PAX2: variants seen among roughly 807,000 people sequenced by gnomAD.
PAX2 encodes paired box protein Pax-2.
In PAX2, 9 loss-of-function variants were observed where a neutral mutation model predicts 41.7. The ratio of observed to expected loss-of-function variants is 0.22; its 90% CI spans 0.13 to 0.38. The LOEUF is 0.38. Ranked by LOEUF, PAX2 falls within the 10% of genes least tolerant of loss-of-function variation. PAX2 has a pLI of 1.00. For synonymous variants in PAX2, 221 were observed against 212.7 expected (o/e 1.04, Z -0.34); for missense variants, 418 against 531.6 (o/e 0.79, Z 2.10).
chr10:100,822,452 T>C (rs1476261400), intron 7 of PAX2, among the ~76,000 whole-genome samples: 1 of 152,172 alleles, frequency 6.6e-6, no homozygotes, highest in Non-Finnish European at 1.5e-5. Flanking sequence ...TTAAGTGCAA[T>C]AGATTGATGG....
rs200741999 is a variant in PAX2, at chr10:100,781,275, A to C, written c.526A>C (p.Ser176Arg). 2 of 1,613,576 alleles carry C rather than the reference A, an allele frequency of 1.2e-6. No individual in the cohort carries two copies. The highest frequency in any genetic ancestry group is 1.7e-6 in the Non-Finnish European group (2 of 1,179,714). ...VPSTASPPVS[S>R]ASNDPVGSYS... ...CAGCACGGCCTCCCCTCCTGTTTCCAGCGCCTCCAATGACCCAGTGGGATC... is the reference window on the plus strand; with the variant it reads ...CAGCACGGCCTCCCCTCCTGTTTCCCGCGCCTCCAATGACCCAGTGGGATC... Residue 176 changes from serine (S) to arginine (R), a missense_variant, in exon 5 of 10, where the codon AGC (serine) becomes CGC (arginine). Transcript: ENST00000355243.
At chr10:100,789,263 A>C (rs1041276831) in intron 5 of PAX2, among the ~76,000 whole-genome samples, 9 of 152,104 alleles carry the variant, frequency 5.9e-5, no homozygotes, top group African/African-American at 2.2e-4. Flanking sequence ...CTGCCACCAT[A>C]CCTGGCTGAT....
In PAX2 at chr10:100,781,736, A is replaced by G. The variant is rs574655786; in HGVS notation, c.616+371A>G. Reference sequence around the variant, plus strand: ...CCTACCTTGTCCTTACCTGATCCCAATCTGTCTGGAGGTGAGGTAGTGATG... The same window carrying G: ...CCTACCTTGTCCTTACCTGATCCCAGTCTGTCTGGAGGTGAGGTAGTGATG... On this transcript the variant is annotated intron_variant, in intron 5 of 9. Coordinates refer to ENST00000355243, the MANE Select transcript of PAX2 (RefSeq NM_000278.5). Among the ~76,000 whole-genome samples the G allele has an allele frequency of 4.6e-5, 7 of 152,324 alleles. No homozygotes were observed. In the South Asian group the frequency reaches 6.2e-4, roughly 14 times the overall value.
At chr10:100,749,381 C>T in intron 1 of PAX2, 4 of 1,082,476 alleles carry the variant, frequency 3.7e-6, no homozygotes, top group Non-Finnish European at 4.5e-6. Context: ...CAGTCCTCTG[C>T]CAGGCCCTTC....
chr10:100,746,395 G>A, intron 1 of PAX2, 92 bp downstream of exon 1: 1 of 904,030 alleles, frequency 1.1e-6, no homozygotes, highest in Non-Finnish European at 1.9e-6. Flanking sequence ...TCGCGCTCAG[G>A]TCCCATCTTG....
intron 5 of PAX2, among the ~76,000 whole-genome samples, chr10:100,805,622 C>T (rs968634006): frequency 2.6e-5 from 4 of 152,162 alleles, no homozygotes; most frequent in South Asian, 2.1e-4. Context: ...GAGCAGGCAC[C>T]GGTGTGATAA....
chr10:100,779,598 G>A lies in PAX2; in HGVS notation c.496+15G>A. The A allele has an allele frequency of 1.3e-6, 2 of 1,549,448 alleles. No homozygotes were observed. The highest frequency in any genetic ancestry group is 1.4e-5 in the African/African-American group (1 of 73,978). On this transcript the variant is annotated intron_variant, in intron 4 of 9. Transcript: ENST00000355243. ...CCACACCATTGGTAAGAGGGCTCAG[G>A]GAAGGGGAGGAAACCAGATCCCACC...
chr10:100,749,825 C>T lies in PAX2; in HGVS notation c.123C>T (p.Ile41=), dbSNP rs771654993. ...RPLPDVVRQR[I]VELAHQGVRP... Reference sequence around the variant, plus strand: ...TACCCGACGTGGTGAGGCAGCGCATCGTGGAGCTGGCCCACCAGGGTGTGC... The same window carrying T: ...TACCCGACGTGGTGAGGCAGCGCATTGTGGAGCTGGCCCACCAGGGTGTGC... The change falls in exon 2 of 10, where the codon ATC becomes ATT. Residue 41 remains isoleucine (I), a synonymous_variant. Coordinates refer to ENST00000355243, the MANE Select transcript of PAX2 (RefSeq NM_000278.5). 1 of 1,611,732 alleles carries T rather than the reference C, an allele frequency of 6.2e-7. No homozygotes were observed. The highest frequency in any genetic ancestry group is 1.7e-5 in the Admixed American group (1 of 59,892).
At chr10:100,820,444 C>T (rs193217316) in intron 7 of PAX2, among the ~76,000 whole-genome samples, 10 of 152,276 alleles carry the variant, frequency 6.6e-5, no homozygotes, top group Admixed American at 5.2e-4. Context: ...CTTGGCCAGG[C>T]GCGGTGGCTT....
intron 3 of PAX2, among the ~76,000 whole-genome samples, chr10:100,764,004 C>T (rs1454094962): frequency 1.3e-5 from 2 of 152,120 alleles, no homozygotes; most frequent in Non-Finnish European, 2.9e-5. Context: ...CTTAGAATTG[C>T]ACCTGGCAGG....
In PAX2 at chr10:100,776,228, G is replaced by A. The variant is rs575784707; in HGVS notation, c.411-3270G>A. Among the ~76,000 whole-genome samples, 3 of 152,178 alleles carry A rather than the reference G, an allele frequency of 2.0e-5. No homozygotes were observed. In the East Asian group the frequency reaches 5.8e-4, roughly 29 times the overall value. On this transcript the variant is annotated intron_variant, in intron 3 of 9. Coordinates refer to ENST00000355243, the MANE Select transcript of PAX2 (RefSeq NM_000278.5). ...AAAAACTTCTGAGGCAATAGTCTCC[G>A]TTTACTGCCCTGCCTCCTTTTACTC...
intron 3 of PAX2, among the ~76,000 whole-genome samples, chr10:100,753,051 C>T (rs1208063550): frequency 6.6e-6 from 1 of 152,142 alleles, no homozygotes. Context: ...GAGGGGCACA[C>T]AGGCTTCCTT....
rs183875062 is a variant in PAX2 at position 100,754,307 on chromosome 10, G to A, written c.410+3416G>A. On this transcript the variant is annotated intron_variant, in intron 3 of 9. Transcript: ENST00000355243. ...GGCACAGACCCCAAATAGAGTCTGG[G>A]GTTACTGACAATCCCCCGAGGGTGC... Among the ~76,000 whole-genome samples, 976 of 152,294 alleles carry A rather than the reference G, an allele frequency of 6.4e-3. 13 individuals are homozygous for A. Among genetic ancestry groups the A allele is most frequent in the African/African-American group, 0.022 (918 of 41,552 alleles).
At chr10:100,749,341 G>T (rs1056374952) in intron 1 of PAX2, 14 of 1,012,666 alleles carry the variant, frequency 1.4e-5, no homozygotes, top group Non-Finnish European at 1.5e-5. Flanking sequence ...GTTGCCTGCG[G>T]CGCAGGCGGG....
rs1847905578 is a variant in PAX2 at position 100,809,171 on chromosome 10, C to T, written c.854C>T (p.Ser285Phe). ...PGLDEVKSSL[S>F]ASTNPELGSN... is the part of the protein sequence containing the mutation. ...CTTGATGAAGTCAAGTCGAGTCTAT[C>T]TGCATCCACCAACCCTGAGCTGGGC... is the stretch of plus-strand genomic sequence containing the variant. Residue 285 changes from serine (S) to phenylalanine (F), a missense_variant, in exon 7 of 10, where the codon TCT becomes TTT. By Grantham distance (155) the Ser-to-Phe change is radical. Around this residue, in one of 2 missense-constraint regions of PAX2, gnomAD observed 310 missense variants for 325.2 expected, o/e 0.95. Coordinates refer to ENST00000355243, the MANE Select transcript of PAX2 (RefSeq NM_000278.5). The T allele has an allele frequency of 6.2e-7, 1 of 1,613,536 alleles. No individual in the cohort carries two copies. Among genetic ancestry groups the T allele is most frequent in the African/African-American group, 1.3e-5 (1 of 75,032 alleles).
intron 3 of PAX2, among the ~76,000 whole-genome samples, chr10:100,775,932 G>A (rs867353868): frequency 7.9e-5 from 12 of 152,202 alleles, no homozygotes; most frequent in African/African-American, 2.7e-4. Context: ...GATAAAAGCC[G>A]TAAAAGCTCC....
chr10:100,768,289 C>A (rs986814187), intron 3 of PAX2, among the ~76,000 whole-genome samples: 1 of 152,026 alleles, frequency 6.6e-6, no homozygotes, highest in African/African-American at 2.4e-5. Flanking sequence ...ATAAACTAAT[C>A]ATAGAAATAG....
intron 3 of PAX2, among the ~76,000 whole-genome samples, chr10:100,774,257 G>C (rs1283542404): frequency 2.0e-5 from 3 of 152,314 alleles, no homozygotes; most frequent in African/African-American, 4.8e-5. Context: ...TGATATCCAA[G>C]TTGGTGAGAG....
intron 7 of PAX2, among the ~76,000 whole-genome samples, chr10:100,812,091 C>T (rs1848008346): frequency 6.6e-6 from 1 of 152,328 alleles, no homozygotes; most frequent in South Asian, 2.1e-4. Flanking sequence ...CAGGACACAG[C>T]TAATCACATT....
Sources: gnomAD v4.1 joint callset for allele counts (sites outside exome capture counted in the v4.1 genomes callset) on GRCh38, gnomAD v4.1.1 for gene constraint, gnomAD v4.1.1 regional missense constraint, MANE v1.5 for transcripts, NCBI Gene and HGNC (gene_info 2026-07-23, HGNC 2026-07-21) for gene names.